Variants in EYA2 observed in about 807,000 individuals in gnomAD.
The protein encoded by EYA2 is protein phosphatase EYA2.
Under a neutral mutation model 69.2 loss-of-function variants are expected in EYA2, and 31 were observed. The ratio of observed to expected loss-of-function variants is 0.45; its 90% confidence interval spans 0.34 to 0.60. The LOEUF is 0.60. Among genes scored for constraint, EYA2 ranks in the 20% least tolerant of loss-of-function variants. The pLI, the probability that EYA2 is intolerant of heterozygous loss-of-function variation, is 0.02. For synonymous variants in EYA2, 257 were observed against 279.4 expected, an observed-to-expected ratio of 0.92 and a Z score of 0.80; for missense variants, 622 against 701.2, an observed-to-expected ratio of 0.89 and a Z score of 1.28.
rs149474635 is a variant in EYA2 at position 47,074,185 on chromosome 20, C to G, written c.511C>G (p.Gln171Glu). The change falls in exon 7 of 16, where the codon CAG (glutamine) becomes GAG (glutamate). Residue 171 changes from glutamine (Q) to glutamate (E), a missense_variant. This residue lies in a region of EYA2 where 365 missense variants were observed against 349.7 expected (regional missense o/e 1.04). Coordinates refer to ENST00000327619, the MANE Select transcript of EYA2 (RefSeq NM_005244.5). ...CTATCCTTCCTACCCCGGCTTCCCC[C>G]AGAGCCAGTACCCCCAGTATTACGG... ...QDYPSYPGFP[Q>E]SQYPQYYGSS... is the part of the protein sequence containing the mutation. 4.3e-6 allele frequency: 7 copies of G among 1,612,920 alleles called. 1 individual carries two copies. In the African/African-American group the frequency reaches 6.7e-5, roughly 15 times the overall value.
chr20:47,100,454 T>C (rs2032392249), intron 9 of EYA2, among the ~76,000 whole-genome samples: 1 of 152,158 alleles, frequency 6.6e-6, no homozygotes, highest in Admixed American at 6.5e-5. Flanking sequence ...TCTGGCCCCA[T>C]TGGTATCTGA....
At chr20:47,111,868 A>C (rs1426329027) in intron 9 of EYA2, among the ~76,000 whole-genome samples, 1 of 152,210 alleles carries the variant, frequency 6.6e-6, no homozygotes, top group African/African-American at 2.4e-5. Context: ...CTAGTAGCCC[A>C]ATAAAAACCA....
chr20:46,901,599 G>A (rs780650892), intron 1 of EYA2: 3 of 152,208 alleles, frequency 2.0e-5, no homozygotes, highest in Non-Finnish European at 4.4e-5. Flanking sequence ...TTTTGTGGGT[G>A]TGTATTATTT....
intron 7 of EYA2, among the ~76,000 whole-genome samples, chr20:47,086,067 A>G (rs558190028): frequency 6.6e-6 from 1 of 152,376 alleles, no homozygotes; most frequent in Non-Finnish European, 1.5e-5. Context: ...AATTACTCCA[A>G]GAAAGGTTTA....
At chr20:47,125,646 A>G (rs1186574354) in intron 9 of EYA2, among the ~76,000 whole-genome samples, 1 of 152,212 alleles carries the variant, frequency 6.6e-6, no homozygotes, top group African/African-American at 2.4e-5. Context: ...AGGAGATTTA[A>G]CTGGCAAAGC....
chr20:47,012,476 AAAATC>A (rs1335044508), intron 4 of EYA2, among the ~76,000 whole-genome samples: 9 of 152,344 alleles, frequency 5.9e-5, no homozygotes, highest in African/African-American at 1.9e-4. Context: ...AATTACCAGA[AAAATC>A]AAATTAAAAT....
At chr20:47,177,801 A>G (rs1366795406) in intron 12 of EYA2, among the ~76,000 whole-genome samples, 3 of 152,364 alleles carry the variant, frequency 2.0e-5, no homozygotes, top group East Asian at 1.9e-4. Flanking sequence ...CCTGCTACAG[A>G]AACTGCTGCT....
intron 11 of EYA2, among the ~76,000 whole-genome samples, chr20:47,170,601 C>T (rs527307778): frequency 2.7e-4 from 40 of 150,648 alleles, no homozygotes; most frequent in African/African-American, 8.6e-4. Flanking sequence ...GAGCCGAGAT[C>T]GTGCCACTGC....
At chr20:47,141,100 A>G (rs77555677) in intron 9 of EYA2, among the ~76,000 whole-genome samples, 2,620 of 152,340 alleles carry the variant, frequency 0.017, 111 homozygotes, top group East Asian at 0.16. Context: ...ACGAGTTGTG[A>G]CAGGAACAAA....
intron 2 of EYA2, among the ~76,000 whole-genome samples, chr20:46,993,176 T>TA (rs1377436622): frequency 6.6e-6 from 1 of 152,210 alleles, no homozygotes; most frequent in African/African-American, 2.4e-5. Context: ...TGGGAGTAAT[T>TA]ATTCCACCGA....
intron 2 of EYA2, among the ~76,000 whole-genome samples, chr20:47,000,392 GTTGGTCTC>G (rs1301815541): frequency 6.6e-6 from 1 of 152,210 alleles, no homozygotes; most frequent in African/African-American, 2.4e-5. Flanking sequence ...GCAAGTGCAC[GTTGGTCTC>G]CTGAGCCTCC....
chr20:47,028,707 G>C (rs540158181), intron 5 of EYA2, among the ~76,000 whole-genome samples: 2 of 152,278 alleles, frequency 1.3e-5, no homozygotes, highest in East Asian at 3.9e-4. Flanking sequence ...AAAGCTCTAG[G>C]ACACAGGGCC....
intron 1 of EYA2, among the ~76,000 whole-genome samples, chr20:46,968,190 G>GA (rs1979909216): frequency 6.6e-6 from 1 of 152,224 alleles, no homozygotes; most frequent in South Asian, 2.1e-4. Context: ...GGGAGGACAA[G>GA]AGACAGGCGA....
rs1283866027 is a variant in EYA2 at position 47,165,171 on chromosome 20, A to G, written c.979-3968A>G. 2.6e-5 allele frequency among the ~76,000 whole-genome samples: 4 copies of G among 152,212 alleles called. No individual in the cohort carries two copies. The East Asian group carries it at 7.7e-4, about 29-fold the overall frequency. ...GCCACAGGCAACTAATTGCTACCAT[A>G]TTAGACAACATGGCTCTAGATTCTT... On this transcript the variant is annotated intron_variant, in intron 10 of 15. Coordinates refer to ENST00000327619, the MANE Select transcript of EYA2 (RefSeq NM_005244.5).
chr20:47,074,375 C>A, intron 7 of EYA2, 40 bp downstream of exon 7: 1 of 1,597,130 alleles, frequency 6.3e-7, no homozygotes, highest in Non-Finnish European at 8.6e-7. Flanking sequence ...TGGCTGTGGT[C>A]TGAGAGCTTC....
intron 10 of EYA2, among the ~76,000 whole-genome samples, chr20:47,152,937 G>GA (rs964502570): frequency 4.9e-4 from 70 of 141,850 alleles, no homozygotes; most frequent in East Asian, 2.7e-3. Context: ...TGTCTCAAAA[G>GA]AAAAAAAAAA....
At chr20:47,082,758 G>A (rs1234256352) in intron 7 of EYA2, among the ~76,000 whole-genome samples, 1 of 152,032 alleles carries the variant, frequency 6.6e-6, no homozygotes, top group Non-Finnish European at 1.5e-5. Flanking sequence ...GACCAAGAAG[G>A]GCCACAATGA....
intron 9 of EYA2, among the ~76,000 whole-genome samples, chr20:47,133,073 CA>C (rs1005293821): frequency 4.6e-5 from 7 of 152,036 alleles, no homozygotes; most frequent in African/African-American, 1.4e-4. Context: ...CAGCTTAGGC[CA>C]AAAAGGAGAA....
intron 3 of EYA2, 67 bp downstream of exon 3, chr20:47,001,540 T>A: frequency 6.6e-7 from 1 of 1,513,170 alleles, no homozygotes; most frequent in Non-Finnish European, 9.2e-7. Flanking sequence ...AGGTAGAGGT[T>A]AAGAGAGAGG....
Sources: gnomAD v4.1 joint callset for allele counts (sites outside exome capture counted in the v4.1 genomes callset) on GRCh38, gnomAD v4.1.1 for gene constraint, gnomAD v4.1.1 regional missense constraint, MANE v1.5 for transcripts, NCBI Gene and HGNC (gene_info 2026-07-23, HGNC 2026-07-21) for gene names.